Variants in CRB2 observed in about 807,000 individuals in gnomAD.
CRB2 encodes the protein protein crumbs homolog 2.
A neutral mutation model predicts 110.9 loss-of-function variants in CRB2; 85 were observed. The observed-to-expected ratio is 0.77, with a 90% CI of 0.64 to 0.92. The LOEUF (loss-of-function observed/expected upper bound fraction) is 0.92. Ranked by LOEUF, CRB2 falls within the 40% of genes least tolerant of loss-of-function variation. The pLI is 0.00. For synonymous variants in CRB2, 907 were observed against 831.0 expected, an observed-to-expected ratio of 1.09 and a Z score of -1.57; for missense variants, 1,843 against 1,851.3, an observed-to-expected ratio of 1.00 and a Z score of 0.08.
At position 123,372,193 on chromosome 9, in the gene CRB2, A is replaced by G. The variant is rs778576951; in HGVS notation, c.2453A>G (p.Asn818Ser). 15 of 1,614,014 alleles carry G rather than the reference A, an allele frequency of 9.3e-6. No individual in the cohort carries two copies. The highest frequency in any genetic ancestry group is 1.3e-5 in the Non-Finnish European group (15 of 1,179,994). Residue 818 changes from asparagine (N) to serine (S), a missense_variant, in exon 9 of 13, where the codon AAT becomes AGT. Asn to Ser is a conservative substitution (Grantham distance 46). Coordinates refer to ENST00000373631, the MANE Select transcript of CRB2 (RefSeq NM_173689.7). ...CTCCCACAGCCTGACCCCTGTTTCA[A>G]TGGTGGGACTTGCCTCGTCACCTGG... ...EDMCSPDPCFNGGTCLVTWND... is the reference protein window; with the variant it reads ...EDMCSPDPCFSGGTCLVTWND...
At position 123,377,169 on chromosome 9, in the gene CRB2, C is replaced by A; in HGVS notation, c.*107C>A. The A allele has an allele frequency of 1.8e-6, 2 of 1,082,568 alleles. No homozygotes were observed. Among genetic ancestry groups the A allele is most frequent in the Non-Finnish European group, 2.6e-6 (2 of 771,532 alleles). 67.1% of individuals were successfully genotyped at this position (1,082,568 alleles called of 1,614,324 possible). ...CGGGACATTGCTACGGAAGTGTCCC[C>A]TTGGCTGGCAGCCTCTGCCTCTGCC... On this transcript the variant is annotated 3_prime_UTR_variant, in exon 13 of 13. Transcript: ENST00000373631.
Position 123,370,626 on chromosome 9 carries a change from G to T in CRB2, c.1573G>T (p.Val525Leu). 3 of 1,611,534 alleles carry T rather than the reference G, an allele frequency of 1.9e-6. No individual in the cohort carries two copies. The highest frequency in any genetic ancestry group is 2.5e-6 in the Non-Finnish European group (3 of 1,180,032). Residue 525 changes from valine to leucine, a missense_variant, in exon 7 of 13, where the codon GTG (valine) becomes TTG (leucine). Coordinates refer to ENST00000373631, the MANE Select transcript of CRB2 (RefSeq NM_173689.7). ...NDGHWHQVEV[V>L]LHLATLELRL... is the part of the protein sequence containing the mutation. ...TGGCCATTGGCACCAGGTGGAGGTT[G>T]TGCTCCATCTAGCGACCCTGGAGCT...
In CRB2 at chr9:123,370,593, C is replaced by T; in HGVS notation, c.1540C>T (p.Leu514=). The change falls in exon 7 of 13, where the codon CTA becomes TTA. Residue 514 remains leucine (L), a synonymous_variant. Coordinates refer to ENST00000373631, the MANE Select transcript of CRB2 (RefSeq NM_173689.7). ...VLVLRLPDLA[L]NDGHWHQVEV... is the part of the protein sequence containing the mutation. ...TGTCCTGAGACTGCCGGACCTGGCC[C>T]TAAACGATGGCCATTGGCACCAGGT... 1 of 1,613,060 alleles carries T rather than the reference C, an allele frequency of 6.2e-7. No homozygotes were observed. Among genetic ancestry groups the T allele is most frequent in the Non-Finnish European group, 8.5e-7 (1 of 1,180,032 alleles).
Position 123,375,246 on chromosome 9 carries a change from C to T in CRB2, c.3536C>T (p.Ala1179Val). The T allele has an allele frequency of 6.2e-7, 1 of 1,612,138 alleles. No homozygotes were observed. ...RCQVPTLPCE[A>V]NPCLNGGTCR... ...CAGGTCCCCACTCTCCCCTGTGAAGCCAACCCCTGCTTGAATGGGGGCACC... is the reference window on the plus strand; with the variant it reads ...CAGGTCCCCACTCTCCCCTGTGAAGTCAACCCCTGCTTGAATGGGGGCACC... Residue 1179 changes from alanine to valine, a missense_variant, in exon 12 of 13, where the codon GCC (alanine) becomes GTC (valine). Physicochemically the swap from Ala to Val is moderately conservative, Grantham distance 64. Transcript: ENST00000373631.
chr9:123,378,342 G>A lies in CRB2; in HGVS notation c.*1280G>A, dbSNP rs1337127973. Reference sequence around the variant, plus strand: ...GGGCCTGGCCTCCTTCCAGCTTCATGGACCTGGAGATGTGCCCTTTCATCC... The same window carrying A: ...GGGCCTGGCCTCCTTCCAGCTTCATAGACCTGGAGATGTGCCCTTTCATCC... On this transcript the variant is annotated 3_prime_UTR_variant, in exon 13 of 13. Transcript: ENST00000373631. 1 of 152,354 alleles carries A rather than the reference G, an allele frequency of 6.6e-6. No individual in the cohort carries two copies. Among genetic ancestry groups the A allele is most frequent in the Non-Finnish European group, 1.5e-5 (1 of 68,088 alleles). 9.4% of individuals were successfully genotyped at this position (152,354 alleles called of 1,614,324 possible).
At chr9:123,356,402 C>G (rs2041799509) in intron 1 of CRB2, 48 bp downstream of exon 1, 1 of 1,410,018 alleles carries the variant, frequency 7.1e-7, no homozygotes, top group African/African-American at 1.5e-5. Flanking sequence ...GGTCTGTCCC[C>G]CAAGACAGAT....
Position 123,371,291 on chromosome 9 carries a change from C to A in CRB2, c.2149C>A (p.Leu717Ile), listed in dbSNP as rs776396868. Reference protein sequence around the residue: ...AEVPGSPAVVLPGRWDDGLRH... With the variant: ...AEVPGSPAVVIPGRWDDGLRH... ...GGTGCCGGGCAGTCCTGCTGTAGTGCTCCCTGGGCGCTGGGATGATGGGCT... is the reference window on the plus strand; with the variant it reads ...GGTGCCGGGCAGTCCTGCTGTAGTGATCCCTGGGCGCTGGGATGATGGGCT... Residue 717 changes from leucine (L) to isoleucine (I), a missense_variant, in exon 8 of 13, where the codon CTC becomes ATC. By Grantham distance (5) the Leu-to-Ile change is conservative. Coordinates refer to ENST00000373631, the MANE Select transcript of CRB2 (RefSeq NM_173689.7). The A allele has an allele frequency of 6.2e-7, 1 of 1,613,398 alleles. No homozygotes were observed. Among genetic ancestry groups the A allele is most frequent in the Non-Finnish European group, 8.5e-7 (1 of 1,179,682 alleles).
intron 3 of CRB2, 22 bp downstream of exon 3, chr9:123,366,134 C>T: frequency 3.6e-6 from 5 of 1,393,492 alleles, no homozygotes; most frequent in Non-Finnish European, 4.6e-6. Flanking sequence ...GCGGGGCAGG[C>T]GGCAGGGGCG....
intron 8 of CRB2, 129 bp downstream of exon 8, chr9:123,371,707 GC>G: frequency 7.8e-7 from 1 of 1,281,454 alleles, no homozygotes; most frequent in Non-Finnish European, 1.1e-6. Context: ...GAAGTGACCT[GC>G]CCAGGGTCCC....
At chr9:123,367,127 C>T (rs750142122) in intron 4 of CRB2, 45 bp from the exon 5 acceptor site, 13 of 1,514,114 alleles carry the variant, frequency 8.6e-6, no homozygotes, top group Non-Finnish European at 3.5e-6. Flanking sequence ...GAGGTGCTGC[C>T]CGGCAACCCC....
In CRB2 at chr9:123,370,372, C is replaced by T. The variant is rs745907346; in HGVS notation, c.1319C>T (p.Thr440Ile). Residue 440 changes from threonine to isoleucine, a missense_variant, in exon 7 of 13, where the codon ACC (threonine) becomes ATC (isoleucine). By Grantham distance (89) the Thr-to-Ile change is moderately conservative (BLOSUM62 -1). Transcript: ENST00000373631. ...THGPFCGQNTTFSVMAGSPIQ... is the reference protein window; with the variant it reads ...THGPFCGQNTIFSVMAGSPIQ... ...GGACCGTTCTGTGGCCAGAATACCA[C>T]CTTCTCTGTGATGGCTGGGAGCCCC... The T allele has an allele frequency of 5.0e-6, 8 of 1,613,836 alleles. No homozygotes were observed. The East Asian group carries it at 1.3e-4, about 27-fold the overall frequency.
At position 123,370,584 on chromosome 9, in the gene CRB2, G is replaced by T; in HGVS notation, c.1531G>T (p.Asp511Tyr). The T allele has an allele frequency of 6.2e-7, 1 of 1,613,248 alleles. No homozygotes were observed. The highest frequency in any genetic ancestry group is 1.1e-5 in the South Asian group (1 of 91,078). The change falls in exon 7 of 13, where the codon GAC (aspartate) becomes TAC (tyrosine). Residue 511 changes from aspartate to tyrosine, a missense_variant. Physicochemically the swap from Asp to Tyr is radical, Grantham distance 160. Coordinates refer to ENST00000373631, the MANE Select transcript of CRB2 (RefSeq NM_173689.7). ...CACTGTGCTTGTCCTGAGACTGCCGGACCTGGCCCTAAACGATGGCCATTG... is the reference window on the plus strand; with the variant it reads ...CACTGTGCTTGTCCTGAGACTGCCGTACCTGGCCCTAAACGATGGCCATTG... ...STTVLVLRLP[D>Y]LALNDGHWHQ...
At chr9:123,354,466 G>A (rs1156716097), upstream of CRB2, among the ~76,000 whole-genome samples, 4 of 152,256 alleles carry the variant, frequency 2.6e-5, no homozygotes, top group Admixed American at 2.6e-4. Context: ...TGGCACTGTC[G>A]CCTTGGCTCA....
Position 123,366,362 on chromosome 9 carries a change from G to A in CRB2, c.750G>A (p.Trp250Ter), listed in dbSNP as rs1167104039. 6.5e-7 allele frequency: 1 copy of A among 1,548,914 alleles called. No homozygotes were observed. Among genetic ancestry groups the A allele is most frequent in the Non-Finnish European group, 8.6e-7 (1 of 1,159,502 alleles). The change falls in exon 4 of 13, where the codon TGG (tryptophan) becomes TGA (stop). Residue 250 changes from tryptophan (W) to a stop codon, truncating the protein, a stop_gained. Transcript: ENST00000373631. LOFTEE classifies it high-confidence loss of function. ...TCGGGAGCTTCCGCTGCCTCTGTTGGCCAGGTGTGTGCGTGCAGGTGCGCG... is the reference window on the plus strand; with the variant it reads ...TCGGGAGCTTCCGCTGCCTCTGTTGACCAGGTGTGTGCGTGCAGGTGCGCG... ...EGLGSFRCLC[W>*]PGYSGELCEV...
At chr9:123,367,074 G>C in intron 4 of CRB2, 98 bp from the exon 5 acceptor site, 1 of 1,298,186 alleles carries the variant, frequency 7.7e-7, no homozygotes, top group Non-Finnish European at 1.0e-6. Context: ...CTTATTCCGA[G>C]CTGCGGTCCC....
Position 123,373,644 on chromosome 9 carries a change from G to A in CRB2, c.3113G>A (p.Arg1038Gln), listed in dbSNP as rs764259390. The change falls in exon 10 of 13, where the codon CGA becomes CAA. Residue 1038 changes from arginine (R) to glutamine (Q), a missense_variant. By Grantham distance (43) the Arg-to-Gln change is conservative. Coordinates refer to ENST00000373631, the MANE Select transcript of CRB2 (RefSeq NM_173689.7). Reference sequence around the variant, plus strand: ...CGGCCCGGCGCGGCCCCTGGCGCCCGAGAGCACTTCGCGTCTTGGCCTGGG... The same window carrying A: ...CGGCCCGGCGCGGCCCCTGGCGCCCAAGAGCACTTCGCGTCTTGGCCTGGG... ...RPRPGAAPGA[R>Q]EHFASWPGTP... 7.1e-7 allele frequency: 1 copy of A among 1,403,860 alleles called. No individual in the cohort carries two copies. The highest frequency in any genetic ancestry group is 9.2e-7 in the Non-Finnish European group (1 of 1,086,286). 87.0% of individuals were successfully genotyped at this position (1,403,860 alleles called of 1,614,324 possible).
At chr9:123,366,643 A>G (rs1302832676) in intron 4 of CRB2, among the ~76,000 whole-genome samples, 1 of 152,186 alleles carries the variant, frequency 6.6e-6, no homozygotes, top group Non-Finnish European at 1.5e-5. Context: ...GGGCTCAGTA[A>G]TTAATGCTAG....
At chr9:123,357,671 G>C (rs901172925) in intron 1 of CRB2, among the ~76,000 whole-genome samples, 3 of 152,116 alleles carry the variant, frequency 2.0e-5, no homozygotes, top group Non-Finnish European at 4.4e-5. Context: ...TGCATACAAA[G>C]CACGTGAGAT....
chr9:123,360,482 T>C, intron 1 of CRB2, among the ~76,000 whole-genome samples: 1 of 152,144 alleles, frequency 6.6e-6, no homozygotes, highest in East Asian at 1.9e-4. Flanking sequence ...CTCTCCTGTC[T>C]GGCCTGGGCT....
Sources: gnomAD v4.1 joint callset for allele counts (sites outside exome capture counted in the v4.1 genomes callset) on GRCh38, gnomAD v4.1.1 for gene constraint, MANE v1.5 for transcripts, NCBI Gene and HGNC (gene_info 2026-07-23, HGNC 2026-07-21) for gene names.